SYNPO2: variants seen among roughly 807,000 people sequenced by gnomAD.
The protein encoded by SYNPO2 is synaptopodin 2.
A neutral mutation model predicts 85.0 loss-of-function variants in SYNPO2; 56 were observed. That is an observed-to-expected ratio of 0.66 (90% confidence interval 0.53 to 0.82). The LOEUF (loss-of-function observed/expected upper bound fraction) is 0.82. SYNPO2 is among the 40% of genes least tolerant of loss of function. SYNPO2 has a pLI of 0.00. For synonymous variants in SYNPO2, 602 were observed against 591.1 expected, an observed-to-expected ratio of 1.02 and a Z score of -0.27; for missense variants, 1,575 against 1,534.2, an observed-to-expected ratio of 1.03 and a Z score of -0.44.
At chr4:118,879,236 A>C (rs917636859) in intron 1 of SYNPO2, among the ~76,000 whole-genome samples, 2 of 152,238 alleles carry the variant, frequency 1.3e-5, no homozygotes, top group African/African-American at 2.4e-5. Context: ...TCATTGTTGA[A>C]GTCAGGGAGA....
intron 1 of SYNPO2, chr4:119,006,308 T>C (rs1344074606): frequency 6.6e-6 from 1 of 152,214 alleles, no homozygotes; most frequent in East Asian, 1.9e-4. Flanking sequence ...AGTGGACTAT[T>C]CTTTTACGAG....
chr4:119,027,324 G>A lies in SYNPO2; in HGVS notation c.955G>A (p.Ala319Thr). ...TCCAGTGGAAGGAGGGCAGTCAGAA[G>A]CACCTCCTTCTCTGGTATCCTTTGC... Reference protein sequence around the residue: ...DSPVEGGQSEAPPSLVSFAVS... With the variant: ...DSPVEGGQSETPPSLVSFAVS... Residue 319 changes from alanine (A) to threonine (T), a missense_variant, in exon 3 of 5, where the codon GCA becomes ACA. Coordinates refer to ENST00000307142, the MANE Select transcript of SYNPO2 (RefSeq NM_133477.3). The A allele has an allele frequency of 6.2e-7, 1 of 1,614,106 alleles. No individual in the cohort carries two copies. The highest frequency in any genetic ancestry group is 8.5e-7 in the Non-Finnish European group (1 of 1,180,038).
intron 4 of SYNPO2, among the ~76,000 whole-genome samples, chr4:119,055,525 T>C (rs1739183020): frequency 6.6e-6 from 1 of 152,238 alleles, no homozygotes; most frequent in Non-Finnish European, 1.5e-5. Flanking sequence ...TGTGTGCTTA[T>C]TGAGGGCAAG....
intron 1 of SYNPO2, among the ~76,000 whole-genome samples, chr4:118,872,763 A>G (rs1374811380): frequency 6.6e-6 from 1 of 151,958 alleles, no homozygotes; most frequent in Non-Finnish European, 1.5e-5. Flanking sequence ...TGGGATCTGG[A>G]TCATACCCCT....
chr4:119,038,645 C>T (rs1738611467), intron 4 of SYNPO2: 6 of 834,274 alleles, frequency 7.2e-6, no homozygotes, highest in African/African-American at 1.8e-5. Flanking sequence ...GGCATTTCAA[C>T]AAGAATAATT....
intron 1 of SYNPO2, among the ~76,000 whole-genome samples, chr4:118,914,474 A>G (rs868136645): frequency 6.6e-6 from 1 of 152,138 alleles, no homozygotes; most frequent in African/African-American, 2.4e-5. Flanking sequence ...TAGAAAGAGG[A>G]TAAGTATTTC....
chr4:118,868,462 T>C (rs1297519822), intron 1 of SYNPO2, among the ~76,000 whole-genome samples: 1 of 152,218 alleles, frequency 6.6e-6, no homozygotes, highest in Non-Finnish European at 1.5e-5. Context: ...GCAGAACAGA[T>C]TACTTTTTCA....
intron 1 of SYNPO2, among the ~76,000 whole-genome samples, chr4:118,931,896 C>T (rs1733943329): frequency 6.6e-6 from 1 of 152,210 alleles, no homozygotes; most frequent in Non-Finnish European, 1.5e-5. Context: ...AAACTCCTTA[C>T]TACGTCAGTC....
In SYNPO2 at chr4:119,030,702, C is replaced by G. The variant is rs1260997586; in HGVS notation, c.1927C>G (p.Pro643Ala). 1.5e-5 allele frequency: 25 copies of G among 1,614,046 alleles called. No homozygotes were observed. The highest frequency in any genetic ancestry group is 1.6e-4 in the Middle Eastern group (1 of 6,084). ...SRGVSSPIAG[P>A]AQPPPWPQPA... ...AGGGGTTTCAAGTCCGATTGCTGGC[C>G]CAGCACAGCCCCCTCCATGGCCCCA... is the stretch of plus-strand genomic sequence containing the variant. Residue 643 changes from proline (P) to alanine (A), a missense_variant, in exon 4 of 5, where the codon CCA becomes GCA. Around this residue, in one of 3 missense-constraint regions of SYNPO2, gnomAD observed 1,508 missense variants for 1,446.8 expected, o/e 1.04. Coordinates refer to ENST00000307142, the MANE Select transcript of SYNPO2 (RefSeq NM_133477.3).
At chr4:118,859,009 G>A (rs1276366682) in intron 1 of SYNPO2, among the ~76,000 whole-genome samples, 1 of 152,152 alleles carries the variant, frequency 6.6e-6, no homozygotes, top group Non-Finnish European at 1.5e-5. Flanking sequence ...GGCTTTCAAT[G>A]AAATCTTAGA....
At chr4:118,905,149 G>A (rs181258221) in intron 1 of SYNPO2, among the ~76,000 whole-genome samples, 5 of 152,216 alleles carry the variant, frequency 3.3e-5, no homozygotes, top group Admixed American at 6.5e-5. Context: ...CTTCAGCTGC[G>A]GACACAGGAC....
At chr4:118,920,561 C>T (rs1316072212) in intron 1 of SYNPO2, among the ~76,000 whole-genome samples, 1 of 152,102 alleles carries the variant, frequency 6.6e-6, no homozygotes, top group Non-Finnish European at 1.5e-5. Context: ...CAAAATAATC[C>T]ACCATGGAAC....
intron 1 of SYNPO2, among the ~76,000 whole-genome samples, chr4:118,923,848 C>A (rs1437870319): frequency 1.4e-5 from 2 of 144,952 alleles, no homozygotes; most frequent in African/African-American, 2.5e-5. Context: ...TGGAAAAATT[C>A]TTGCACGAGG....
rs563398988 is a variant in SYNPO2 at position 118,955,061 on chromosome 4, G to A, written c.105+65920G>A. ...ATCACCTAGGCTACAGTGTAGTGGT[G>A]TGATCTTGGCTCACTGCAATCTCTG... is the stretch of plus-strand genomic sequence containing the variant. On this transcript the variant is annotated intron_variant, in intron 1 of 4. Coordinates refer to ENST00000307142, the MANE Select transcript of SYNPO2 (RefSeq NM_133477.3). Among the ~76,000 whole-genome samples the A allele has an allele frequency of 9.6e-5, 14 of 146,412 alleles. No individual in the cohort carries two copies. The Middle Eastern group carries it at 0.01, about 107-fold the overall frequency.
chr4:118,911,503 AT>A (rs1733135242), intron 1 of SYNPO2, among the ~76,000 whole-genome samples: 1 of 152,188 alleles, frequency 6.6e-6, no homozygotes, highest in Non-Finnish European at 1.5e-5. Context: ...CAGAATGTTC[AT>A]CTCTGATGCC....
chr4:118,997,252 A>T (rs911216145), intron 1 of SYNPO2, among the ~76,000 whole-genome samples: 2 of 151,244 alleles, frequency 1.3e-5, no homozygotes, highest in African/African-American at 4.9e-5. Flanking sequence ...AAAAAAAAAA[A>T]AAAAATTAAA....
intron 1 of SYNPO2, among the ~76,000 whole-genome samples, chr4:118,977,304 C>T (rs567186858): frequency 1.2e-4 from 19 of 152,364 alleles, no homozygotes; most frequent in Non-Finnish European, 2.4e-4. Context: ...TGCTAAGTCC[C>T]CCATTGCCCG....
At chr4:118,988,440 A>G (rs1736296080) in intron 1 of SYNPO2, among the ~76,000 whole-genome samples, 1 of 152,156 alleles carries the variant, frequency 6.6e-6, no homozygotes, top group Non-Finnish European at 1.5e-5. Flanking sequence ...ACACAACCTT[A>G]TACAGCAGGT....
chr4:119,009,183 T>G (rs1265055896), intron 1 of SYNPO2, among the ~76,000 whole-genome samples: 1 of 152,202 alleles, frequency 6.6e-6, no homozygotes, highest in Non-Finnish European at 1.5e-5. Flanking sequence ...ATACAAAATA[T>G]TTTTGAAGAG....
Sources: allele counts gnomAD v4.1 joint callset (sites outside exome capture counted in the v4.1 genomes callset), GRCh38; gene constraint gnomAD v4.1.1; regional missense constraint gnomAD v4.1.1; transcripts MANE v1.5; gene names NCBI Gene and HGNC (gene_info 2026-07-23, HGNC 2026-07-21).